Variants in FRMPD4 observed in about 807,000 individuals in gnomAD.
The protein encoded by FRMPD4 is FERM and PDZ domain-containing protein 4.
In FRMPD4, 22 loss-of-function variants were observed where a neutral mutation model predicts 94.1. That is an observed-to-expected ratio of 0.23 (90% CI 0.17 to 0.33). The LOEUF is 0.33. FRMPD4 is among the 10% of genes least tolerant of loss of function. The pLI, the probability that FRMPD4 is intolerant of heterozygous loss-of-function variation, is 1.00. For synonymous variants in FRMPD4, 631 were observed against 548.6 expected (o/e 1.15, Z -2.10); for missense variants, 1,111 against 1,339.9 (o/e 0.83, Z 2.67).
chrX:12,570,698 G>A (rs1231821422), intron 2 of FRMPD4, among the ~76,000 whole-genome samples: 1 of 111,675 alleles, frequency 9.0e-6, no homozygotes, highest in Admixed American at 9.6e-5. Context: ...TATGTTGCAA[G>A]ACCCCTAGTG....
Position 12,581,556 on chromosome X carries a change from A to G in FRMPD4, c.159-28165A>G, listed in dbSNP as rs767968219. On this transcript the variant is annotated intron_variant, in intron 2 of 16. Coordinates refer to ENST00000675598, the MANE Select transcript of FRMPD4 (RefSeq NM_001368397.1). Reference sequence around the variant, plus strand: ...TTGCTTAAACTAATGGCCAAGAATCATTTATAATCTGTTTATTAATTTTAA... The same window carrying G: ...TTGCTTAAACTAATGGCCAAGAATCGTTTATAATCTGTTTATTAATTTTAA... 2.8e-3 allele frequency among the ~76,000 whole-genome samples: 320 copies of G among 112,499 alleles called. 2 individuals are homozygous for G. Among genetic ancestry groups the G allele is most frequent in the African/African-American group, 9.9e-3 (307 of 30,966 alleles).
intron 4 of FRMPD4, among the ~76,000 whole-genome samples, chrX:12,659,712 A>G (rs1431958547): frequency 1.8e-5 from 2 of 112,981 alleles, no homozygotes; most frequent in South Asian, 3.6e-4. Context: ...AGAGCTAGAC[A>G]GCATCACAGA....
intron 3 of FRMPD4, among the ~76,000 whole-genome samples, chrX:11,927,505 A>G (rs1343204580): frequency 1.8e-5 from 2 of 112,139 alleles, no homozygotes; most frequent in East Asian, 2.8e-4. Context: ...ACTGTACTAC[A>G]GGGCTACAGT....
intron 2 of FRMPD4, among the ~76,000 whole-genome samples, chrX:12,592,210 A>T (rs951569582): frequency 1.8e-5 from 2 of 112,040 alleles, no homozygotes. Flanking sequence ...CCATTAGATC[A>T]TACCCTTTTG....
chrX:12,351,129 G>A (rs374248317), intron 1 of FRMPD4, among the ~76,000 whole-genome samples: 6 of 104,098 alleles, frequency 5.8e-5, no homozygotes, highest in Non-Finnish European at 9.7e-5. Flanking sequence ...CCAAGATCGC[G>A]CAACTGTACT....
At chrX:12,220,795 C>A (rs909624387) in intron 1 of FRMPD4, among the ~76,000 whole-genome samples, 3 of 112,342 alleles carry the variant, frequency 2.7e-5, no homozygotes, top group Admixed American at 9.5e-5. Context: ...AATTTGCATA[C>A]TTTCTAACTT....
intron 2 of FRMPD4, among the ~76,000 whole-genome samples, chrX:12,504,006 T>A (rs1397848735): frequency 8.9e-6 from 1 of 112,051 alleles, no homozygotes; most frequent in Non-Finnish European, 1.9e-5. Context: ...GTGCCCATCA[T>A]CCCCTGTGAT....
intron 1 of FRMPD4, among the ~76,000 whole-genome samples, chrX:12,321,591 G>A (rs935489376): frequency 1.8e-5 from 2 of 112,074 alleles, no homozygotes; most frequent in African/African-American, 3.2e-5. Flanking sequence ...TAGATGTACC[G>A]AATGCATTTT....
chrX:12,378,441 G>A (rs1413577268), intron 1 of FRMPD4, among the ~76,000 whole-genome samples: 1 of 112,675 alleles, frequency 8.9e-6, no homozygotes, highest in Non-Finnish European at 1.9e-5. Flanking sequence ...CTGTAGGGCA[G>A]TGAACCTGAA....
chrX:12,053,428 AAGAGAAAGAAAGAAG>A (rs1487356904), intron 3 of FRMPD4, among the ~76,000 whole-genome samples: 50 of 93,168 alleles, frequency 5.4e-4, no homozygotes, highest in African/African-American at 1.8e-3. Context: ...GAAAGAAAGA[AAGAGAAAGAAAGAAG>A]AGAAGAGAAG....
chrX:12,483,809 A>G (rs145774933), intron 1 of FRMPD4, among the ~76,000 whole-genome samples: 382 of 112,334 alleles, frequency 3.4e-3, no homozygotes, highest in African/African-American at 0.012. Context: ...CTCTAAATTT[A>G]TGTACAAACT....
At chrX:12,710,321 G>T in intron 13 of FRMPD4, 78 bp from the exon 14 acceptor site, 1 of 806,544 alleles carries the variant, frequency 1.2e-6, no homozygotes, top group South Asian at 2.8e-5. Context: ...TTTTCCATAA[G>T]CATAAATGCA....
chrX:12,450,032 A>T (rs1259933977), intron 1 of FRMPD4, among the ~76,000 whole-genome samples: 1 of 110,606 alleles, frequency 9.0e-6, no homozygotes, highest in Non-Finnish European at 1.9e-5. Flanking sequence ...AAATTATTTG[A>T]ACTGGCTCTC....
intron 3 of FRMPD4, among the ~76,000 whole-genome samples, chrX:12,017,723 T>C (rs2054611454): frequency 8.9e-6 from 1 of 112,120 alleles, no homozygotes; most frequent in Admixed American, 9.4e-5. Flanking sequence ...AATTCAAATC[T>C]TGGGGTCCTT....
intron 1 of FRMPD4, among the ~76,000 whole-genome samples, chrX:12,310,220 G>C (rs1354570182): frequency 1.8e-5 from 2 of 108,633 alleles, no homozygotes; most frequent in East Asian, 5.8e-4. Flanking sequence ...GTGGGCAGGA[G>C]TGGGGGGTCG....
At chrX:11,861,089 C>T (rs1038809526) in intron 1 of FRMPD4, among the ~76,000 whole-genome samples, 2 of 111,684 alleles carry the variant, frequency 1.8e-5, no homozygotes, top group Non-Finnish European at 3.8e-5. Context: ...AATTTTATTT[C>T]TTTTTAGTAA....
intron 3 of FRMPD4, among the ~76,000 whole-genome samples, chrX:12,074,769 CTG>C (rs758128325): frequency 1.8e-5 from 2 of 112,594 alleles, no homozygotes; most frequent in Non-Finnish European, 3.8e-5. Flanking sequence ...TACATTTGCT[CTG>C]TGTGGATCTT....
In FRMPD4 at chrX:12,717,687, C is replaced by T. The variant is rs756618694; in HGVS notation, c.2861C>T (p.Pro954Leu). The T allele has an allele frequency of 1.1e-5, 13 of 1,209,615 alleles. No individual in the cohort carries two copies. Among genetic ancestry groups the T allele is most frequent in the African/African-American group, 1.7e-5 (1 of 57,294 alleles). The change falls in exon 16 of 17, where the codon CCG (proline) becomes CTG (leucine). Residue 954 changes from proline (P) to leucine (L), a missense_variant. Pro to Leu is a moderately conservative substitution (Grantham distance 98). Around this residue, in one of 8 missense-constraint regions of FRMPD4, gnomAD observed 551 missense variants for 591.6 expected, o/e 0.93. Transcript: ENST00000675598. Reference protein sequence around the residue: ...HPLAEEQTEFPASKTPAGGLP... With the variant: ...HPLAEEQTEFLASKTPAGGLP... ...CTTGCAGAAGAGCAGACCGAGTTCC[C>T]GGCCTCCAAGACCCCCGCTGGGGGC...
chrX:12,527,482 T>C (rs1410553759), intron 2 of FRMPD4, among the ~76,000 whole-genome samples: 3 of 93,802 alleles, frequency 3.2e-5, no homozygotes, highest in Non-Finnish European at 4.2e-5. Context: ...GAGATCTGAG[T>C]TACAGTTTTT....
Sources: gnomAD v4.1 joint callset for allele counts (sites outside exome capture counted in the v4.1 genomes callset) on GRCh38, gnomAD v4.1.1 for gene constraint, gnomAD v4.1.1 regional missense constraint, MANE v1.5 for transcripts, NCBI Gene and HGNC (gene_info 2026-07-23, HGNC 2026-07-21) for gene names.